The following IMMP2L variants were observed in gnomAD, a reference collection of about 807,000 sequenced individuals.
IMMP2L encodes mitochondrial inner membrane protease subunit 2.
IMMP2L carries 18 observed loss-of-function variants against 19.3 expected under a neutral mutation model. The observed-to-expected ratio is 0.93, with a 90% CI of 0.64 to 1.38. The LOEUF (loss-of-function observed/expected upper bound fraction) is 1.38. Ranked by LOEUF, IMMP2L falls within the 40% of genes most tolerant of loss-of-function variation. The probability of loss-of-function intolerance (pLI) is 0.00; values close to 1 mark genes in which losing one functional copy is unlikely to be tolerated. For synonymous variants in IMMP2L, 76 were observed against 73.0 expected (o/e 1.04, Z -0.21); for missense variants, 233 against 218.2 (o/e 1.07, Z -0.43).
intron 3 of IMMP2L, among the ~76,000 whole-genome samples, chr7:111,408,768 T>A (rs1312299710): frequency 6.6e-6 from 1 of 151,544 alleles, no homozygotes; most frequent in Non-Finnish European, 1.5e-5. Flanking sequence ...GTAGTTAATA[T>A]TTTTTTTAAA....
At chr7:111,300,649 G>A (rs955631560) in intron 3 of IMMP2L, among the ~76,000 whole-genome samples, 29 of 152,050 alleles carry the variant, frequency 1.9e-4, no homozygotes, top group African/African-American at 6.0e-4. Context: ...TCCTGACTCC[G>A]GGCAACCATT....
intron 3 of IMMP2L, chr7:111,392,660 A>G (rs1455756212): frequency 4.8e-6 from 2 of 416,558 alleles, no homozygotes; most frequent in Non-Finnish European, 9.6e-6. Flanking sequence ...TTTAGTGCTC[A>G]GTCCCACAAA....
At chr7:111,209,803 A>G (rs1051819040) in intron 3 of IMMP2L, among the ~76,000 whole-genome samples, 1 of 152,116 alleles carries the variant, frequency 6.6e-6, no homozygotes, top group African/African-American at 2.4e-5. Context: ...CTGCCCAGAA[A>G]GAGGTGGGCA....
chr7:111,302,078 C>A (rs1188057388), intron 3 of IMMP2L, among the ~76,000 whole-genome samples: 2 of 151,924 alleles, frequency 1.3e-5, no homozygotes, highest in East Asian at 1.9e-4. Context: ...CAGGTCAGTA[C>A]CCATTAGCAT....
chr7:110,976,496 T>C (rs931255652), intron 3 of IMMP2L, among the ~76,000 whole-genome samples: 5 of 152,082 alleles, frequency 3.3e-5, no homozygotes, highest in African/African-American at 7.2e-5. Context: ...GATTTATCAT[T>C]CCAGTATGAG....
At chr7:110,798,881 ACT>A (rs1801051174) in intron 5 of IMMP2L, among the ~76,000 whole-genome samples, 1 of 151,916 alleles carries the variant, frequency 6.6e-6, no homozygotes, top group African/African-American at 2.4e-5. Flanking sequence ...TATATAAGGA[ACT>A]CTGTGATTAA....
At chr7:110,684,508 A>C (rs1373031293) in intron 5 of IMMP2L, among the ~76,000 whole-genome samples, 1 of 152,010 alleles carries the variant, frequency 6.6e-6, no homozygotes, top group Non-Finnish European at 1.5e-5. Context: ...CTTAATTTAC[A>C]ATATATCACA....
At chr7:110,690,238 G>C (rs1482714947) in intron 5 of IMMP2L, among the ~76,000 whole-genome samples, 1 of 152,120 alleles carries the variant, frequency 6.6e-6, no homozygotes, top group African/African-American at 2.4e-5. Flanking sequence ...ATCGTTCTTA[G>C]CTTCACGTCT....
chr7:111,121,230 G>C (rs1393620147), intron 3 of IMMP2L, among the ~76,000 whole-genome samples: 1 of 152,030 alleles, frequency 6.6e-6, no homozygotes, highest in Non-Finnish European at 1.5e-5. Flanking sequence ...AAATTTGTTT[G>C]AGTTCATTGT....
chr7:111,436,343 G>A (rs967611728), intron 3 of IMMP2L, among the ~76,000 whole-genome samples: 3 of 151,436 alleles, frequency 2.0e-5, no homozygotes, highest in African/African-American at 4.9e-5. Flanking sequence ...AATGACATTG[G>A]GCTGGAAGGA....
In IMMP2L at chr7:110,807,569, A is replaced by G. The variant is rs374407967; in HGVS notation, c.408+79024T>C. Among the ~76,000 whole-genome samples, 28 of 152,196 alleles carry G rather than the reference A, an allele frequency of 1.8e-4. No individual in the cohort carries two copies. The East Asian group carries it at 3.3e-3, about 18-fold the overall frequency. On this transcript the variant is annotated intron_variant, in intron 5 of 5. Transcript: ENST00000405709. ...TTCAGATAAATTACTTAAGACTCCT[A>G]TGAAAGCAACTGATATTCCCAAAGC...
At chr7:110,851,234 G>T (rs1316266247) in intron 5 of IMMP2L, among the ~76,000 whole-genome samples, 1 of 152,068 alleles carries the variant, frequency 6.6e-6, no homozygotes, top group East Asian at 1.9e-4. Flanking sequence ...AGCAATATAA[G>T]TTCACAGGTA....
At chr7:110,822,306 G>A (rs1245065244) in intron 5 of IMMP2L, among the ~76,000 whole-genome samples, 3 of 152,016 alleles carry the variant, frequency 2.0e-5, no homozygotes, top group Non-Finnish European at 4.4e-5. Flanking sequence ...GCTGCTTAAT[G>A]TCTTGAATCA....
At chr7:111,016,500 AT>A (rs1318138614) in intron 3 of IMMP2L, among the ~76,000 whole-genome samples, 2 of 122,514 alleles carry the variant, frequency 1.6e-5, no homozygotes, top group African/African-American at 6.3e-5. Flanking sequence ...TATAATATAT[AT>A]TTTATGTATT....
intron 3 of IMMP2L, among the ~76,000 whole-genome samples, chr7:110,966,095 A>G (rs1186696119): frequency 1.3e-5 from 2 of 152,052 alleles, no homozygotes; most frequent in Admixed American, 6.6e-5. Flanking sequence ...CAGTCATTAA[A>G]AATGATGTTA....
intron 3 of IMMP2L, among the ~76,000 whole-genome samples, chr7:111,321,409 T>G (rs1417922024): frequency 6.6e-6 from 1 of 151,990 alleles, no homozygotes; most frequent in African/African-American, 2.4e-5. Context: ...CCATTTTGAG[T>G]GCTCCTGAGA....
chr7:110,845,620 T>C (rs185039066), intron 5 of IMMP2L, among the ~76,000 whole-genome samples: 26 of 152,320 alleles, frequency 1.7e-4, no homozygotes, highest in African/African-American at 5.1e-4. Flanking sequence ...TAGTAGATCA[T>C]AGGTACTCTT....
At chr7:111,039,505 G>A (rs1420685393) in intron 3 of IMMP2L, among the ~76,000 whole-genome samples, 4 of 152,006 alleles carry the variant, frequency 2.6e-5, no homozygotes, top group Non-Finnish European at 5.9e-5. Context: ...GATACCACCT[G>A]GAAAATAAAA....
intron 5 of IMMP2L, among the ~76,000 whole-genome samples, chr7:110,723,665 ACATC>A (rs918854385): frequency 3.3e-5 from 5 of 152,166 alleles, no homozygotes; most frequent in Admixed American, 2.6e-4. Flanking sequence ...GAAAATAAAA[ACATC>A]CACAGTTTCA....
Sources: allele counts gnomAD v4.1 joint callset (sites outside exome capture counted in the v4.1 genomes callset), GRCh38; gene constraint gnomAD v4.1.1; transcripts MANE v1.5; gene names NCBI Gene and HGNC (gene_info 2026-07-23, HGNC 2026-07-21).